The following SLC23A2 variants were observed in gnomAD, a reference collection of about 807,000 sequenced individuals.
SLC23A2 encodes the protein solute carrier family 23 member 2.
A neutral mutation model predicts 73.3 loss-of-function variants in SLC23A2; 36 were observed. The ratio of observed to expected loss-of-function variants is 0.49; its 90% confidence interval spans 0.38 to 0.65. SLC23A2 has a LOEUF of 0.65. Among genes scored for constraint, SLC23A2 ranks in the 30% least tolerant of loss-of-function variants. The pLI is 0.00. For missense variants in SLC23A2, 507 were observed against 841.6 expected (o/e 0.60, Z 4.92); for synonymous variants, 343 against 327.3 (o/e 1.05, Z -0.52).
chr20:4,959,770 G>A (rs1026351011), intron 2 of SLC23A2, among the ~76,000 whole-genome samples: 12 of 152,206 alleles, frequency 7.9e-5, no homozygotes, highest in Admixed American at 3.3e-4. Context: ...GATTACAGGC[G>A]TGAGTCACCA....
chr20:4,858,742 A>G (rs1036999376), intron 16 of SLC23A2, among the ~76,000 whole-genome samples: 2 of 152,136 alleles, frequency 1.3e-5, no homozygotes, highest in East Asian at 3.8e-4. Flanking sequence ...ATGTATCCAT[A>G]AACAGGGATC....
At chr20:4,913,815 C>T (rs966699081) in intron 3 of SLC23A2, among the ~76,000 whole-genome samples, 2 of 151,754 alleles carry the variant, frequency 1.3e-5, no homozygotes, top group African/African-American at 2.4e-5. Flanking sequence ...TTAGTAGAGA[C>T]GGGGTTTCAC....
intron 2 of SLC23A2, among the ~76,000 whole-genome samples, chr20:4,957,632 G>A (rs1022833015): frequency 2.6e-5 from 4 of 151,472 alleles, no homozygotes; most frequent in African/African-American, 7.3e-5. Context: ...TGAGCGCAGT[G>A]GCTCACACCT....
intron 2 of SLC23A2, among the ~76,000 whole-genome samples, chr20:4,936,491 T>C (rs2086963881): frequency 6.6e-6 from 1 of 152,146 alleles, no homozygotes; most frequent in Non-Finnish European, 1.5e-5. Flanking sequence ...TCTCATTATG[T>C]TGCCCAGGCT....
At position 4,857,829 on chromosome 20, in the gene SLC23A2, G is replaced by A. The variant is rs60799762; in HGVS notation, c.1721-625C>T. Among the ~76,000 whole-genome samples, 5,252 of 152,182 alleles carry A rather than the reference G, an allele frequency of 0.035. 284 individuals carry two copies. Among genetic ancestry groups the A allele is most frequent in the African/African-American group, 0.12 (4,836 of 41,466 alleles). Reference sequence around the variant, plus strand: ...GCCTGTAATCTTAACTACTCAGGAGGCTGAGACAGGAGAATTGCTTGAACC... The same window carrying A: ...GCCTGTAATCTTAACTACTCAGGAGACTGAGACAGGAGAATTGCTTGAACC... On this transcript the variant is annotated intron_variant, in intron 16 of 16. Transcript: ENST00000338244. The surrounding 1 kb of genome is among the most constrained non-coding windows in gnomAD (Gnocchi z 4.0).
intron 2 of SLC23A2, among the ~76,000 whole-genome samples, chr20:4,941,839 T>C (rs1420796834): frequency 6.6e-6 from 1 of 152,110 alleles, no homozygotes; most frequent in Non-Finnish European, 1.5e-5. Context: ...GTGAAAAGAA[T>C]TAAAAGCAAT....
intron 1 of SLC23A2, among the ~76,000 whole-genome samples, chr20:4,997,645 T>A (rs549156968): frequency 6.6e-6 from 1 of 152,216 alleles, no homozygotes; most frequent in Admixed American, 6.5e-5. Flanking sequence ...TTTATTTTTT[T>A]AAACAAAGTA....
intron 2 of SLC23A2, among the ~76,000 whole-genome samples, chr20:4,936,662 A>G (rs1231286289): frequency 6.6e-6 from 1 of 152,204 alleles, no homozygotes; most frequent in African/African-American, 2.4e-5. Context: ...TGTTCCAGAC[A>G]TGAACATCCA....
At position 4,862,727 on chromosome 20, in the gene SLC23A2, C is replaced by CT. The variant is rs752572759; in HGVS notation, c.1486+50dup. On this transcript the variant is annotated intron_variant, in intron 14 of 16. Coordinates refer to ENST00000338244, the MANE Select transcript of SLC23A2 (RefSeq NM_005116.6). This position sits in a 1 kb window ranked among gnomAD's most constrained non-coding sequence, Gnocchi z 5.1. ...GGAGTCAGCAAAAACACCATGACCC[C>CT]TATTAAAAATTTGGAAAAGTAAAGG... 6.4e-7 allele frequency: 1 copy of CT among 1,554,896 alleles called. No homozygotes were observed. Among genetic ancestry groups the CT allele is most frequent in the Admixed American group, 1.7e-5 (1 of 57,366 alleles).
rs1440697449 is a variant in SLC23A2, at chr20:4,932,472, C to G, written c.91G>C (p.Ala31Pro). ...ATGATTACCGGAAGAGTGAAGAAAG[C>G]TGGGTGCTTTGCCTCGTCTTCGTAT... ...GKYEDEAKHPAFFTLPVVING... is the reference protein window; with the variant it reads ...GKYEDEAKHPPFFTLPVVING... The change falls in exon 3 of 17, where the codon GCT becomes CCT. Residue 31 changes from alanine (A) to proline (P), a missense_variant. This residue lies in a region of SLC23A2 where 78 missense variants were observed against 86.7 expected (regional missense o/e 0.90). Coordinates refer to ENST00000338244, the MANE Select transcript of SLC23A2 (RefSeq NM_005116.6). The G allele has an allele frequency of 6.3e-7, 1 of 1,587,772 alleles. No individual in the cohort carries two copies. The highest frequency in any genetic ancestry group is 1.3e-5 in the African/African-American group (1 of 74,536).
At chr20:4,929,223 T>C (rs530688850) in intron 3 of SLC23A2, among the ~76,000 whole-genome samples, 41 of 148,426 alleles carry the variant, frequency 2.8e-4, no homozygotes, top group African/African-American at 1.0e-3. Context: ...CTGTGATTGC[T>C]CCACTGCACT....
At position 4,852,544 on chromosome 20, in the gene SLC23A2, A is replaced by T. The variant is rs556720528; in HGVS notation, c.*4428T>A. ...TTTTTAAAAACTCCATAAAAGAATT[A>T]CACATCTCAAAAAACAACCCCACCC... On this transcript the variant is annotated 3_prime_UTR_variant, in exon 17 of 17. Coordinates refer to ENST00000338244, the MANE Select transcript of SLC23A2 (RefSeq NM_005116.6). The surrounding 1 kb of genome is among the most constrained non-coding windows in gnomAD (Gnocchi z 4.3). 1.3e-5 allele frequency: 2 copies of T among 152,746 alleles called. No individual in the cohort carries two copies. Among genetic ancestry groups the T allele is most frequent in the Non-Finnish European group, 2.9e-5 (2 of 68,034 alleles). The allele number at this position is 152,746 out of a possible 1,614,324, so 9.5% of individuals were successfully genotyped here.
intron 2 of SLC23A2, among the ~76,000 whole-genome samples, chr20:4,955,808 A>T (rs570465180): frequency 9.2e-4 from 139 of 151,086 alleles, no homozygotes; most frequent in East Asian, 2.7e-3. Flanking sequence ...TTTTTTTTTT[A>T]AAAAAGTACT....
In SLC23A2 at chr20:4,902,022, T is replaced by A. The variant is rs566262334; in HGVS notation, c.324+420A>T. 6.6e-6 allele frequency among the ~76,000 whole-genome samples: 1 copy of A among 152,330 alleles called. No homozygotes were observed. Among genetic ancestry groups the A allele is most frequent in the South Asian group, 2.1e-4 (1 of 4,830 alleles). ...ATGTCAACAATTCCCATTCATCATT[T>A]GTTTTTTGAGACAGGGTCTCACTAT... On this transcript the variant is annotated intron_variant, in intron 5 of 16. Coordinates refer to ENST00000338244, the MANE Select transcript of SLC23A2 (RefSeq NM_005116.6). The surrounding 1 kb of genome is among the most constrained non-coding windows in gnomAD (Gnocchi z 4.0).
At chr20:4,930,308 G>C (rs1289970235) in intron 3 of SLC23A2, among the ~76,000 whole-genome samples, 1 of 152,096 alleles carries the variant, frequency 6.6e-6, no homozygotes, top group East Asian at 1.9e-4. Flanking sequence ...ATTTAATCTT[G>C]AACAACTGGA....
chr20:4,883,598 G>C lies in SLC23A2; in HGVS notation c.824+44C>G. ...TGAAGTCTGTGTGAATGTTCCTAAA[G>C]GCTGCCCCGCAGTGGTGGGATGAGG... On this transcript the variant is annotated intron_variant, in intron 9 of 16. Coordinates refer to ENST00000338244, the MANE Select transcript of SLC23A2 (RefSeq NM_005116.6). The surrounding 1 kb of genome is among the most constrained non-coding windows in gnomAD (Gnocchi z 4.5). 1 of 1,393,922 alleles carries C rather than the reference G, an allele frequency of 7.2e-7. No homozygotes were observed. Among genetic ancestry groups the C allele is most frequent in the Non-Finnish European group, 9.9e-7 (1 of 1,011,224 alleles). The allele number at this position is 1,393,922 out of a possible 1,614,324, so 86.3% of individuals were successfully genotyped here. A position where few individuals can be genotyped will look rare whatever the true frequency, so the allele number is the denominator to read the frequency against.
At chr20:4,860,617 G>A (rs567418127) in intron 15 of SLC23A2, among the ~76,000 whole-genome samples, 1 of 152,324 alleles carries the variant, frequency 6.6e-6, no homozygotes, top group East Asian at 1.9e-4. Context: ...CATGAATAAT[G>A]AGAACTGATT....
At chr20:4,871,422 T>G (rs1930443390) in intron 11 of SLC23A2, among the ~76,000 whole-genome samples, 1 of 148,954 alleles carries the variant, frequency 6.7e-6, no homozygotes, top group African/African-American at 2.5e-5. Flanking sequence ...GTCTGGAGGG[T>G]GGGGTTTGAG....
intron 3 of SLC23A2, among the ~76,000 whole-genome samples, chr20:4,931,576 G>C (rs1286212660): frequency 1.3e-5 from 2 of 152,120 alleles, no homozygotes; most frequent in Non-Finnish European, 2.9e-5. Context: ...ACGCAACACA[G>C]TGAGACCCCA....
Sources: allele counts gnomAD v4.1 joint callset (sites outside exome capture counted in the v4.1 genomes callset), GRCh38; gene constraint gnomAD v4.1.1; regional missense constraint gnomAD v4.1.1; non-coding constraint Gnocchi (gnomAD v3.1); transcripts MANE v1.5; gene names NCBI Gene and HGNC (gene_info 2026-07-23, HGNC 2026-07-21).